GRID2: variants seen among roughly 807,000 people sequenced by gnomAD.
GRID2 encodes the protein glutamate ionotropic receptor delta type subunit 2.
Under a neutral mutation model 114.8 loss-of-function variants are expected in GRID2, and 33 were observed. That is an observed-to-expected ratio of 0.29 (90% CI 0.22 to 0.38). The LOEUF is 0.38. Ranked by LOEUF, GRID2 falls within the 10% of genes least tolerant of loss-of-function variation. GRID2 has a pLI of 1.00. For synonymous variants in GRID2, 505 were observed against 449.9 expected, an observed-to-expected ratio of 1.12 and a Z score of -1.55; for missense variants, 1,184 against 1,257.7, an observed-to-expected ratio of 0.94 and a Z score of 0.89.
intron 8 of GRID2, among the ~76,000 whole-genome samples, chr4:93,305,109 T>C (rs993835324): frequency 2.0e-5 from 3 of 152,120 alleles, no homozygotes; most frequent in Admixed American, 1.3e-4. Flanking sequence ...TAGACAGTAA[T>C]AGAGTTCTGT....
chr4:93,436,590 G>A (rs1209836982), intron 10 of GRID2, among the ~76,000 whole-genome samples: 2 of 151,908 alleles, frequency 1.3e-5, no homozygotes, highest in Non-Finnish European at 2.9e-5. Context: ...TATCCTTCAG[G>A]GGCTTAAAAA....
At chr4:92,738,119 A>G (rs1736692652) in intron 2 of GRID2, among the ~76,000 whole-genome samples, 1 of 152,132 alleles carries the variant, frequency 6.6e-6, no homozygotes, top group African/African-American at 2.4e-5. Context: ...TCGCCCTTCT[A>G]ACTGGTGTGA....
At chr4:92,830,358 A>G (rs970641744) in intron 2 of GRID2, among the ~76,000 whole-genome samples, 1 of 151,818 alleles carries the variant, frequency 6.6e-6, no homozygotes, top group Non-Finnish European at 1.5e-5. Flanking sequence ...TATGTTCTCT[A>G]AAAAGTGAAC....
chr4:92,755,299 C>T (rs1445466417), intron 2 of GRID2, among the ~76,000 whole-genome samples: 1 of 152,136 alleles, frequency 6.6e-6, no homozygotes, highest in Non-Finnish European at 1.5e-5. Context: ...AGGTACTGCT[C>T]TTAGCACTGG....
At chr4:93,031,166 C>A (rs1724393699) in intron 2 of GRID2, among the ~76,000 whole-genome samples, 1 of 151,368 alleles carries the variant, frequency 6.6e-6, no homozygotes, top group Non-Finnish European at 1.5e-5. Context: ...CTGCCTCTGT[C>A]TCCCGAGTAG....
At chr4:92,869,390 G>C (rs997489292) in intron 2 of GRID2, among the ~76,000 whole-genome samples, 1 of 152,112 alleles carries the variant, frequency 6.6e-6, no homozygotes, top group Non-Finnish European at 1.5e-5. Flanking sequence ...CAAAAATCCA[G>C]CAGATGAGGT....
At chr4:93,056,886 C>T (rs1727295675) in intron 2 of GRID2, among the ~76,000 whole-genome samples, 1 of 151,860 alleles carries the variant, frequency 6.6e-6, no homozygotes, top group African/African-American at 2.4e-5. Flanking sequence ...TCAGGTCATT[C>T]CTTTCTTTTA....
At chr4:93,231,716 G>A (rs1746172114) in intron 7 of GRID2, among the ~76,000 whole-genome samples, 2 of 152,062 alleles carry the variant, frequency 1.3e-5, no homozygotes, top group Middle Eastern at 3.2e-3. Context: ...AATATGAAGG[G>A]TTATCTACAG....
intron 2 of GRID2, among the ~76,000 whole-genome samples, chr4:93,007,635 A>G (rs1040748521): frequency 6.6e-6 from 1 of 152,160 alleles, no homozygotes; most frequent in African/African-American, 2.4e-5. Flanking sequence ...AAGATAGTGA[A>G]CACTGAATAT....
intron 2 of GRID2, among the ~76,000 whole-genome samples, chr4:93,008,694 A>G (rs1466890244): frequency 6.6e-6 from 1 of 152,078 alleles, no homozygotes; most frequent in African/African-American, 2.4e-5. Flanking sequence ...GCATTTTACA[A>G]TGTGGTATAT....
chr4:92,637,643 G>C (rs1731137342), intron 2 of GRID2, among the ~76,000 whole-genome samples: 1 of 152,012 alleles, frequency 6.6e-6, no homozygotes, highest in African/African-American at 2.4e-5. Context: ...ACCAGGTAGA[G>C]AGAGCAAGGA....
intron 1 of GRID2, among the ~76,000 whole-genome samples, chr4:92,422,816 C>T (rs1055354285): frequency 1.2e-4 from 18 of 152,048 alleles, no homozygotes; most frequent in Admixed American, 1.0e-3. Flanking sequence ...CAGTCTAGTC[C>T]CCAGGCAAGA....
chr4:93,124,779 T>C (rs1734122038), intron 4 of GRID2, among the ~76,000 whole-genome samples: 1 of 152,142 alleles, frequency 6.6e-6, no homozygotes, highest in Non-Finnish European at 1.5e-5. Flanking sequence ...GGGAAAAAAC[T>C]GTCTTGACAG....
chr4:92,369,752 C>T (rs947344209), intron 1 of GRID2, among the ~76,000 whole-genome samples: 1 of 152,048 alleles, frequency 6.6e-6, no homozygotes, highest in African/African-American at 2.4e-5. Context: ...AATTGAGGCA[C>T]TTTGGGGAAA....
Position 93,057,431 on chromosome 4 carries a change from G to T in GRID2, c.245-27564G>T, listed in dbSNP as rs117773702. Among the ~76,000 whole-genome samples the T allele has an allele frequency of 1.6e-3, 242 of 151,638 alleles. 6 individuals are homozygous for T. The East Asian group carries it at 0.043, about 27-fold the overall frequency. ...GGTTCCAGAATTCTTTGAATTTTTT[G>T]TTGTTGTTGTTCATTCCCTGATGGT... is the stretch of plus-strand genomic sequence containing the variant. On this transcript the variant is annotated intron_variant, in intron 2 of 15. Transcript: ENST00000282020.
intron 8 of GRID2, among the ~76,000 whole-genome samples, chr4:93,258,325 A>C (rs1749853622): frequency 6.6e-6 from 1 of 151,760 alleles, no homozygotes; most frequent in Admixed American, 6.6e-5. Flanking sequence ...AAGATATTTA[A>C]GTTTGGGTGA....
intron 3 of GRID2, among the ~76,000 whole-genome samples, chr4:93,101,237 T>G (rs77127325): frequency 6.6e-6 from 1 of 152,110 alleles, no homozygotes; most frequent in Non-Finnish European, 1.5e-5. Flanking sequence ...AGTTGAGATA[T>G]CCATCACCTT....
intron 12 of GRID2, among the ~76,000 whole-genome samples, chr4:93,494,322 C>A (rs1727313749): frequency 6.6e-6 from 1 of 151,698 alleles, no homozygotes; most frequent in African/African-American, 2.4e-5. Flanking sequence ...GTTGCTTCTG[C>A]AGACTACAAT....
intron 2 of GRID2, among the ~76,000 whole-genome samples, chr4:93,047,316 CTG>C (rs1341184133): frequency 6.6e-6 from 1 of 152,042 alleles, no homozygotes; most frequent in African/African-American, 2.4e-5. Flanking sequence ...CCAAAATAAA[CTG>C]TGAACTTTAG....
Sources: allele counts gnomAD v4.1 joint callset (sites outside exome capture counted in the v4.1 genomes callset), GRCh38; gene constraint gnomAD v4.1.1; transcripts MANE v1.5; gene names NCBI Gene and HGNC (gene_info 2026-07-23, HGNC 2026-07-21).